The following KIDINS220 variants were observed in gnomAD, a reference collection of about 807,000 sequenced individuals.
The protein encoded by KIDINS220 is kinase D interacting substrate 220, also known as kinase D-interacting substrate of 220 kDa.
A neutral mutation model predicts 157.6 loss-of-function variants in KIDINS220; 63 were observed. That is an observed-to-expected ratio of 0.40 (90% confidence interval 0.33 to 0.49). The LOEUF is 0.49. Ranked by LOEUF, KIDINS220 falls within the 20% of genes least tolerant of loss-of-function variation. The pLI is 0.66. For missense variants in KIDINS220, 1,772 were observed against 2,171.2 expected (o/e 0.82, Z 3.65); for synonymous variants, 732 against 783.6 (o/e 0.93, Z 1.10).
At chr2:8,727,221 C>CA, downstream of KIDINS220, 1 of 1,126,136 alleles carries the variant, frequency 8.9e-7, no homozygotes, top group South Asian at 2.1e-5. Flanking sequence ...CGCAAAAGAA[C>CA]AGTATCCCCA....
chr2:8,780,043 C>T (rs1051065448), intron 17 of KIDINS220, among the ~76,000 whole-genome samples: 1 of 152,216 alleles, frequency 6.6e-6, no homozygotes, highest in Non-Finnish European at 1.5e-5. Flanking sequence ...GGGATAGACA[C>T]TACCATATCT....
chr2:8,813,748 C>T (rs1019862737), intron 4 of KIDINS220, among the ~76,000 whole-genome samples: 1 of 152,032 alleles, frequency 6.6e-6, no homozygotes, highest in Non-Finnish European at 1.5e-5. Flanking sequence ...ATGGTGAAAC[C>T]CCATCTCTAC....
chr2:8,813,120 G>A lies in KIDINS220; in HGVS notation c.405+117C>T, dbSNP rs576938640. ...GTTTTGAAATCATATTCTATGTTAC[G>A]TTTAATAAGATAAAGAATATTTCTA... On this transcript the variant is annotated intron_variant, in intron 5 of 29. Coordinates refer to ENST00000256707, the MANE Select transcript of KIDINS220 (RefSeq NM_020738.4). The A allele has an allele frequency of 8.9e-5, 53 of 597,994 alleles. 1 individual carries two copies. The highest frequency in any genetic ancestry group is 2.7e-4 in the Middle Eastern group (1 of 3,760). The allele number at this position is 597,994 out of a possible 1,614,324, so 37.0% of individuals were successfully genotyped here.
intron 6 of KIDINS220, among the ~76,000 whole-genome samples, chr2:8,809,728 T>C (rs6742354): frequency 0.015 from 2,300 of 151,792 alleles, 54 homozygotes; most frequent in African/African-American, 0.053. Flanking sequence ...CAGACTTCCT[T>C]TCCCTTCTCT....
intron 1 of KIDINS220, among the ~76,000 whole-genome samples, chr2:8,836,282 G>A (rs772205584): frequency 2.2e-4 from 33 of 152,052 alleles, no homozygotes; most frequent in Middle Eastern, 3.4e-3. Context: ...ACCCCAGCTG[G>A]GCGAATGGGG....
intron 11 of KIDINS220, among the ~76,000 whole-genome samples, chr2:8,795,864 A>G (rs1286303722): frequency 1.3e-5 from 2 of 152,264 alleles, no homozygotes; most frequent in East Asian, 3.8e-4. Flanking sequence ...AACAGGCATT[A>G]TAAGAAGTTT....
intron 2 of KIDINS220, chr2:8,825,742 C>A (rs1050631349): frequency 6.6e-6 from 1 of 152,136 alleles, no homozygotes; most frequent in Admixed American, 6.5e-5. Flanking sequence ...CTGATACTTA[C>A]AATATTTATA....
Position 8,793,947 on chromosome 2 carries a change from C to T in KIDINS220, c.1139G>A (p.Ser380Asn). The T allele has an allele frequency of 6.2e-7, 1 of 1,613,450 alleles. No individual in the cohort carries two copies. The highest frequency in any genetic ancestry group is 8.5e-7 in the Non-Finnish European group (1 of 1,179,832). Residue 380 changes from serine to asparagine, a missense_variant, in exon 12 of 30, where the codon AGC (serine) becomes AAC (asparagine). Transcript: ENST00000256707. Reference protein sequence around the residue: ...TPLHIAIRGRSRKLAELLLRN... With the variant: ...TPLHIAIRGRNRKLAELLLRN... ...TAAAAGCAGTTCTGCCAGTTTCCGG[C>T]TCCTTCCACGAATAGCAATATGCAA... is the stretch of plus-strand genomic sequence containing the variant.
At chr2:8,744,897 C>A (rs1666328885) in intron 26 of KIDINS220, among the ~76,000 whole-genome samples, 1 of 152,088 alleles carries the variant, frequency 6.6e-6, no homozygotes, top group African/African-American at 2.4e-5. Flanking sequence ...TTATGCTAAT[C>A]ATAAAATGAT....
intron 26 of KIDINS220, among the ~76,000 whole-genome samples, chr2:8,745,814 T>C (rs764563824): frequency 1.2e-4 from 19 of 152,044 alleles, no homozygotes; most frequent in Admixed American, 2.0e-4. Context: ...AAACAACCTA[T>C]TGCCTGCTAA....
chr2:8,825,022 G>A (rs1678538998), intron 2 of KIDINS220, among the ~76,000 whole-genome samples: 1 of 152,170 alleles, frequency 6.6e-6, no homozygotes, highest in African/African-American at 2.4e-5. Context: ...GGTTTAGGGA[G>A]AGGGGGAAAG....
At chr2:8,778,606 C>A in intron 20 of KIDINS220, 33 bp downstream of exon 20, 2 of 1,379,312 alleles carry the variant, frequency 1.5e-6, no homozygotes, top group South Asian at 2.3e-5. Flanking sequence ...AATAGCAATA[C>A]AAACATACAG....
chr2:8,733,008 C>T (rs1664363957), intron 29 of KIDINS220, among the ~76,000 whole-genome samples: 1 of 152,138 alleles, frequency 6.6e-6, no homozygotes, highest in African/African-American at 2.4e-5. Context: ...AACCAATATC[C>T]GTGAAGGGTG....
At chr2:8,787,096 T>C (rs1350760086) in intron 15 of KIDINS220, among the ~76,000 whole-genome samples, 2 of 152,066 alleles carry the variant, frequency 1.3e-5, no homozygotes. Context: ...ACTTTAATTG[T>C]TCTAACTGAA....
chr2:8,771,927 G>A (rs777024461), intron 21 of KIDINS220, among the ~76,000 whole-genome samples: 31 of 151,916 alleles, frequency 2.0e-4, no homozygotes, highest in Non-Finnish European at 3.5e-4. Flanking sequence ...ATTTAGAAGC[G>A]GCAGTTAAGG....
At position 8,776,802 on chromosome 2, in the gene KIDINS220, T is replaced by C; in HGVS notation, c.2794A>G (p.Ser932Gly). 6.2e-7 allele frequency: 1 copy of C among 1,613,930 alleles called. No individual in the cohort carries two copies. The highest frequency in any genetic ancestry group is 8.5e-7 in the Non-Finnish European group (1 of 1,179,818). The change falls in exon 21 of 30, where the codon AGT becomes GGT. Residue 932 changes from serine (S) to glycine (G), a missense_variant. Ser to Gly is a moderately conservative substitution (Grantham distance 56). Transcript: ENST00000256707. ...CTCATGGTCTGGGGACTGATGTCAC[T>C]GAACCAGTCCTCGGTAACCAGCAGT... ...TKLLVTEDWF[S>G]DISPQTMRRL...
At chr2:8,787,189 C>T (rs188401785) in intron 15 of KIDINS220, among the ~76,000 whole-genome samples, 2 of 151,250 alleles carry the variant, frequency 1.3e-5, no homozygotes, top group Admixed American at 1.3e-4. Flanking sequence ...ATTCTGTTTT[C>T]CTTTTAACTT....
chr2:8,734,594 A>G, intron 28 of KIDINS220, 61 bp downstream of exon 28: 1 of 1,174,372 alleles, frequency 8.5e-7, no homozygotes, highest in Non-Finnish European at 1.2e-6. Flanking sequence ...AATGTTATAA[A>G]TAATTTTGAA....
chr2:8,723,524 A>G (rs1008775072), downstream of KIDINS220: 3 of 152,214 alleles, frequency 2.0e-5, no homozygotes, highest in Non-Finnish European at 4.4e-5. Context: ...ACAACTCATA[A>G]TGGCTCACTC....
Sources: gnomAD v4.1 joint callset for allele counts (sites outside exome capture counted in the v4.1 genomes callset) on GRCh38, gnomAD v4.1.1 for gene constraint, MANE v1.5 for transcripts, NCBI Gene and HGNC (gene_info 2026-07-23, HGNC 2026-07-21) for gene names.